PAM: variants seen among roughly 807,000 people sequenced by gnomAD.
The protein encoded by PAM is peptidyl-glycine alpha-amidating monooxygenase.
In PAM, 72 loss-of-function variants were observed where a neutral mutation model predicts 122.1. The observed-to-expected ratio is 0.59, with a 90% CI of 0.49 to 0.72. PAM has a LOEUF of 0.72. PAM is among the 30% of genes least tolerant of loss of function. The pLI is 0.00. For missense variants in PAM, 1,106 were observed against 1,183.7 expected (o/e 0.93, Z 0.96); for synonymous variants, 389 against 404.4 (o/e 0.96, Z 0.46).
At chr5:102,853,930 A>C (rs1415866515) in intron 1 of PAM, among the ~76,000 whole-genome samples, 1 of 152,236 alleles carries the variant, frequency 6.6e-6, no homozygotes, top group East Asian at 1.9e-4. Flanking sequence ...AAATTTATTT[A>C]AAAGCATTAC....
At chr5:102,978,924 A>C (rs1482233849) in intron 15 of PAM, among the ~76,000 whole-genome samples, 1 of 151,990 alleles carries the variant, frequency 6.6e-6, no homozygotes, top group African/African-American at 2.4e-5. Flanking sequence ...GAAAGTGATG[A>C]AAGGTTAAGT....
At chr5:102,948,489 A>T (rs1465213141) in intron 9 of PAM, 44 bp downstream of exon 9, 1 of 889,812 alleles carries the variant, frequency 1.1e-6, no homozygotes, top group Non-Finnish European at 1.9e-6. Flanking sequence ...TCATTACCTA[A>T]TCTGTAGAAA....
In PAM at chr5:103,029,425, T is replaced by C. The variant is rs1294532922; in HGVS notation, c.*360T>C. The C allele has an allele frequency of 1.2e-5, 2 of 166,518 alleles. No individual in the cohort carries two copies. Among genetic ancestry groups the C allele is most frequent in the East Asian group, 3.3e-4 (2 of 6,002 alleles). The allele number at this position is 166,518 out of a possible 1,614,324, so 10.3% of individuals were successfully genotyped here. A position where few individuals can be genotyped will look rare whatever the true frequency, so the allele number is the denominator to read the frequency against. On this transcript the variant is annotated 3_prime_UTR_variant, in exon 26 of 26. Transcript: ENST00000438793. ...ACACAGTATTTTCCCAATAGCACTT[T>C]CATTGCCAGTGTCTTTCTTTGGTGC...
chr5:102,800,941 A>G (rs935677063), intron 1 of PAM, among the ~76,000 whole-genome samples: 1 of 152,204 alleles, frequency 6.6e-6, no homozygotes, highest in Non-Finnish European at 1.5e-5. Context: ...CCAAAGGGCT[A>G]GAATCCAGTT....
chr5:102,949,176 C>T (rs1757979413), intron 9 of PAM, among the ~76,000 whole-genome samples: 1 of 152,018 alleles, frequency 6.6e-6, no homozygotes, highest in Non-Finnish European at 1.5e-5. Flanking sequence ...TGTTAGGTGT[C>T]TGCATTCAAT....
At chr5:102,963,598 C>T (rs1024780317) in intron 14 of PAM, among the ~76,000 whole-genome samples, 11 of 151,842 alleles carry the variant, frequency 7.2e-5, no homozygotes, top group Non-Finnish European at 1.6e-4. Context: ...TGTGGTTGTG[C>T]TAGCCACAAG....
At chr5:103,012,027 T>C (rs1376340814) in intron 21 of PAM, among the ~76,000 whole-genome samples, 1 of 152,260 alleles carries the variant, frequency 6.6e-6, no homozygotes. Context: ...GTTGAGCACT[T>C]TTCCATATGT....
chr5:102,856,265 G>A (rs1299099217), intron 1 of PAM, among the ~76,000 whole-genome samples: 1 of 152,126 alleles, frequency 6.6e-6, no homozygotes, highest in Non-Finnish European at 1.5e-5. Context: ...GAGAAAGTAG[G>A]TGATAGCTGA....
chr5:102,766,753 C>T (rs1754063872), intron 1 of PAM, among the ~76,000 whole-genome samples: 1 of 152,010 alleles, frequency 6.6e-6, no homozygotes, highest in Non-Finnish European at 1.5e-5. Flanking sequence ...AATTAGAGTA[C>T]AGCAGGCCAG....
intron 15 of PAM, among the ~76,000 whole-genome samples, chr5:102,989,282 T>A (rs1442464478): frequency 6.6e-6 from 1 of 152,090 alleles, no homozygotes; most frequent in Non-Finnish European, 1.5e-5. Context: ...GGCAGGAGGA[T>A]CACTTGAGCC....
chr5:102,785,894 A>G (rs1204452700), intron 1 of PAM, among the ~76,000 whole-genome samples: 1 of 152,092 alleles, frequency 6.6e-6, no homozygotes, highest in African/African-American at 2.4e-5. Flanking sequence ...GTGGTTATAT[A>G]TGTACTAAAT....
At chr5:102,978,640 GA>G (rs1251407572) in intron 15 of PAM, among the ~76,000 whole-genome samples, 4 of 152,108 alleles carry the variant, frequency 2.6e-5, no homozygotes, top group African/African-American at 9.7e-5. Context: ...AGAGGATTCA[GA>G]AGGTGTTCAA....
intron 12 of PAM, among the ~76,000 whole-genome samples, chr5:102,957,035 A>G (rs1235027335): frequency 6.6e-6 from 1 of 152,132 alleles, no homozygotes; most frequent in Non-Finnish European, 1.5e-5. Context: ...AGCTTGAACT[A>G]TGTGTTTATC....
rs1487485906 is a variant in PAM at position 102,827,366 on chromosome 5, T to C, written c.-373-38457T>C. Reference sequence around the variant, plus strand: ...ACCCTTCTGGTCCCAAACATTTTCTTGATAAAGGATATTCAACCCATGTAG... The same window carrying C: ...ACCCTTCTGGTCCCAAACATTTTCTCGATAAAGGATATTCAACCCATGTAG... On this transcript the variant is annotated intron_variant, in intron 1 of 25. Transcript: ENST00000438793. Among the ~76,000 whole-genome samples, 3 of 152,220 alleles carry C rather than the reference T, an allele frequency of 2.0e-5. No homozygotes were observed. The East Asian group carries it at 5.8e-4, about 29-fold the overall frequency.
intron 1 of PAM, among the ~76,000 whole-genome samples, chr5:102,796,701 C>G (rs1486316740): frequency 6.6e-6 from 1 of 152,154 alleles, no homozygotes. Context: ...AGCTCACATT[C>G]CCTCATCTTA....
intron 14 of PAM, 105 bp downstream of exon 14, chr5:102,961,334 C>G: frequency 1.5e-6 from 1 of 668,036 alleles, no homozygotes; most frequent in Non-Finnish European, 2.8e-6. Flanking sequence ...CTGTATCTGC[C>G]TCAAACACTA....
intron 3 of PAM, among the ~76,000 whole-genome samples, chr5:102,885,624 A>G (rs1176863041): frequency 6.6e-6 from 1 of 152,026 alleles, no homozygotes; most frequent in Non-Finnish European, 1.5e-5. Context: ...CCACTCCATG[A>G]TACAAAATGG....
At chr5:102,966,495 C>T (rs1467474701) in intron 14 of PAM, among the ~76,000 whole-genome samples, 3 of 152,216 alleles carry the variant, frequency 2.0e-5, no homozygotes, top group Admixed American at 2.0e-4. Context: ...ATAAAGTTCA[C>T]TTCATTTGTG....
At chr5:102,972,161 T>C (rs1582375751) in intron 14 of PAM, among the ~76,000 whole-genome samples, 1 of 152,164 alleles carries the variant, frequency 6.6e-6, no homozygotes, top group East Asian at 1.9e-4. Context: ...CCATCAAGAT[T>C]ACCCTAAACA....
Sources: gnomAD v4.1 joint callset for allele counts (sites outside exome capture counted in the v4.1 genomes callset) on GRCh38, gnomAD v4.1.1 for gene constraint, MANE v1.5 for transcripts, NCBI Gene and HGNC (gene_info 2026-07-23, HGNC 2026-07-21) for gene names.